CCM2: variants seen among roughly 807,000 people sequenced by gnomAD.
CCM2 encodes cerebral cavernous malformations 2 protein.
CCM2 carries 25 observed loss-of-function variants against 44.9 expected under a neutral mutation model. The observed-to-expected ratio is 0.56, with a 90% confidence interval of 0.41 to 0.78. The LOEUF (loss-of-function observed/expected upper bound fraction) is 0.78. Ranked by LOEUF, CCM2 falls within the 30% of genes least tolerant of loss-of-function variation. CCM2 has a pLI of 0.00. For synonymous variants in CCM2, 219 were observed against 241.1 expected (o/e 0.91, Z 0.85); for missense variants, 481 against 580.6 (o/e 0.83, Z 1.76).
chr7:45,070,142 C>G (rs1798992199), intron 6 of CCM2, 181 bp downstream of exon 6: 3 of 715,572 alleles, frequency 4.2e-6, no homozygotes, highest in Non-Finnish European at 6.9e-6. Flanking sequence ...GCAGAAGTGT[C>G]ACCTGTCCTT....
At chr7:45,034,844 T>C (rs1385840536) in intron 1 of CCM2, among the ~76,000 whole-genome samples, 1 of 151,320 alleles carries the variant, frequency 6.6e-6, no homozygotes, top group Non-Finnish European at 1.5e-5. Flanking sequence ...TTAAAAAGTT[T>C]TTATTTTTCT....
intron 1 of CCM2, among the ~76,000 whole-genome samples, chr7:45,013,689 T>G (rs768529912): frequency 6.6e-6 from 1 of 152,232 alleles, no homozygotes; most frequent in Non-Finnish European, 1.5e-5. Context: ...ATTTTATAGA[T>G]TCAGGATCAT....
chr7:45,045,700 A>T (rs1415560521), intron 2 of CCM2, among the ~76,000 whole-genome samples: 1 of 152,192 alleles, frequency 6.6e-6, no homozygotes, highest in Non-Finnish European at 1.5e-5. Context: ...CTGAGGCAGG[A>T]GAACAGCATG....
At chr7:45,028,828 G>C (rs1224778662) in intron 1 of CCM2, among the ~76,000 whole-genome samples, 8 of 152,158 alleles carry the variant, frequency 5.3e-5, no homozygotes, top group Non-Finnish European at 1.2e-4. Context: ...ACACTGCAGG[G>C]AGTGCTGGAA....
At chr7:45,022,454 C>A (rs999498807) in intron 1 of CCM2, among the ~76,000 whole-genome samples, 5 of 151,238 alleles carry the variant, frequency 3.3e-5, no homozygotes, top group Non-Finnish European at 7.4e-5. Flanking sequence ...CTACAGGCGC[C>A]CACCACCGTG....
At chr7:45,070,002 A>G (rs771815884) in intron 6 of CCM2, 41 bp downstream of exon 6, 1 of 1,609,408 alleles carries the variant, frequency 6.2e-7, no homozygotes, top group South Asian at 1.1e-5. Flanking sequence ...GAGCAGGGAC[A>G]GGAGGGGCTA....
chr7:45,020,326 G>A (rs376558597), intron 1 of CCM2, among the ~76,000 whole-genome samples: 35 of 152,250 alleles, frequency 2.3e-4, no homozygotes, highest in African/African-American at 8.2e-4. Context: ...TTTTGATACA[G>A]TCTACTTCTC....
At chr7:45,074,072 G>T in intron 8 of CCM2, 198 bp from the exon 9 acceptor site, 1 of 1,183,202 alleles carries the variant, frequency 8.5e-7, no homozygotes, top group Non-Finnish European at 1.2e-6. Flanking sequence ...CGGGTGCCTT[G>T]GTCTCCTCTG....
At chr7:45,056,131 T>C (rs1254710775) in intron 2 of CCM2, among the ~76,000 whole-genome samples, 1 of 152,192 alleles carries the variant, frequency 6.6e-6, no homozygotes, top group Admixed American at 6.6e-5. Flanking sequence ...TTGTGAATCA[T>C]GCTGCTATGA....
chr7:45,031,439 G>A (rs1796966063), intron 1 of CCM2, among the ~76,000 whole-genome samples: 2 of 151,838 alleles, frequency 1.3e-5, no homozygotes, highest in Admixed American at 6.6e-5. Flanking sequence ...GAGTGCAGCG[G>A]GCAGTCATAG....
chr7:45,003,798 C>T (rs569835403), intron 1 of CCM2, among the ~76,000 whole-genome samples: 15 of 151,662 alleles, frequency 9.9e-5, no homozygotes, highest in East Asian at 1.9e-4. Context: ...CTCTGGTCTT[C>T]GGTTGCCCCA....
At chr7:45,034,986 A>C (rs1320742473) in intron 1 of CCM2, among the ~76,000 whole-genome samples, 1 of 152,214 alleles carries the variant, frequency 6.6e-6, no homozygotes, top group East Asian at 1.9e-4. Context: ...ACATGCGTGA[A>C]CCACCACACC....
rs1196910725 is a variant in CCM2, at chr7:45,000,204, GACTT to G, written c.-129_-126del. On this transcript the variant is annotated 5_prime_UTR_variant, in exon 1 of 10. Transcript: ENST00000258781. The stretch of plus-strand genomic sequence containing the variant: ...GGGTGTGGGGCGCGGCCGGGGCGGA[GACTT>G]CGGGCCCGGCTGGCGGGCGGCGCCG... 7.5e-5 allele frequency: 30 copies of G among 401,546 alleles called. No homozygotes were observed. Among genetic ancestry groups the G allele is most frequent in the Non-Finnish European group, 9.7e-5 (29 of 300,346 alleles). The allele number at this position is 401,546 out of a possible 1,614,324, so 24.9% of individuals were successfully genotyped here. A position where few individuals can be genotyped will look rare whatever the true frequency, so the allele number is the denominator to read the frequency against.
At chr7:45,075,444 T>G (rs4724355) in intron 9 of CCM2, among the ~76,000 whole-genome samples, 79,909 of 151,742 alleles carry the variant, frequency 0.53, 22,480 homozygotes, top group African/African-American at 0.74. Context: ...GTAAAATGGG[T>G]CCTTTGTGAG....
rs138753334 is a variant in CCM2, at chr7:45,011,309, G to A, written c.30+10946G>A. Among the ~76,000 whole-genome samples, 42 of 151,306 alleles carry A rather than the reference G, an allele frequency of 2.8e-4. No homozygotes were observed. In the East Asian group the frequency reaches 8.2e-3, roughly 30 times the overall value. On this transcript the variant is annotated intron_variant, in intron 1 of 9. Transcript: ENST00000258781. ...CCTCCCAAGTTCTAGTTATTCTCAT[G>A]CCTCAGCCTCCCTGGTAGCTGGGAT...
chr7:45,068,118 A>C, intron 4 of CCM2: 1 of 403,256 alleles, frequency 2.5e-6, no homozygotes, highest in Non-Finnish European at 4.7e-6. Context: ...TAAGAAGGGA[A>C]CTCCCCAGAA....
chr7:45,053,581 G>C (rs1480611353), intron 2 of CCM2, among the ~76,000 whole-genome samples: 1 of 152,198 alleles, frequency 6.6e-6, no homozygotes, highest in Non-Finnish European at 1.5e-5. Flanking sequence ...ATTACCAGCT[G>C]ACACCTACAC....
chr7:45,015,831 G>A (rs1159519517), intron 1 of CCM2, among the ~76,000 whole-genome samples: 1 of 152,188 alleles, frequency 6.6e-6, no homozygotes, highest in African/African-American at 2.4e-5. Flanking sequence ...TGACATGCAT[G>A]CTGACCCACT....
chr7:45,000,640 A>G (rs1373165012), intron 1 of CCM2, among the ~76,000 whole-genome samples: 1 of 152,198 alleles, frequency 6.6e-6, no homozygotes, highest in African/African-American at 2.4e-5. Context: ...CTGGGGCTGC[A>G]GAGGAAGTGG....
Sources: allele counts gnomAD v4.1 joint callset (sites outside exome capture counted in the v4.1 genomes callset), GRCh38; gene constraint gnomAD v4.1.1; transcripts MANE v1.5; gene names NCBI Gene and HGNC (gene_info 2026-07-23, HGNC 2026-07-21).